MYO1D: variants seen among roughly 807,000 people sequenced by gnomAD.
MYO1D encodes the protein myosin ID.
MYO1D carries 83 observed loss-of-function variants against 122.0 expected under a neutral mutation model. That is an observed-to-expected ratio of 0.68 (90% CI 0.57 to 0.82). MYO1D has a LOEUF of 0.82. MYO1D is among the 40% of genes least tolerant of loss of function. The pLI is 0.00. For missense variants in MYO1D, 1,157 were observed against 1,269.5 expected, an observed-to-expected ratio of 0.91 and a Z score of 1.35; for synonymous variants, 464 against 446.9, an observed-to-expected ratio of 1.04 and a Z score of -0.48.
At chr17:32,535,207 G>T (rs115907581) in intron 21 of MYO1D, among the ~76,000 whole-genome samples, 2,419 of 152,260 alleles carry the variant, frequency 0.016, 35 homozygotes, top group Middle Eastern at 0.048. Flanking sequence ...CGTTAGAAGT[G>T]AATGGCATAC....
Position 32,653,921 on chromosome 17 carries a change from G to A in MYO1D, c.2517C>T (p.Gly839=), listed in dbSNP as rs955944090. 5.0e-6 allele frequency: 8 copies of A among 1,613,774 alleles called. No homozygotes were observed. The African/African-American group carries it at 9.3e-5, about 19-fold the overall frequency. Reference sequence around the variant, plus strand: ...ATTCATTAGCAACAGGGACAAAAGTGCCTGAGGTCTGAGGTGTATCTGGCT... The same window carrying A: ...ATTCATTAGCAACAGGGACAAAAGTACCTGAGGTCTGAGGTGTATCTGGCT... The part of the protein sequence containing the change: ...ASKPDTPQTS[G]TFVPVANELK... Residue 839 remains glycine (G), a synonymous_variant, in exon 19 of 22, where the codon GGC becomes GGT. Transcript: ENST00000318217.
intron 21 of MYO1D, among the ~76,000 whole-genome samples, chr17:32,519,699 T>C (rs1325763555): frequency 6.6e-6 from 1 of 151,870 alleles, no homozygotes; most frequent in Non-Finnish European, 1.5e-5. Context: ...TTTTTGTTTG[T>C]CTGTCTTTCC....
chr17:32,697,367 C>T (rs2089186337), intron 16 of MYO1D, among the ~76,000 whole-genome samples: 1 of 152,186 alleles, frequency 6.6e-6, no homozygotes, highest in Admixed American at 6.5e-5. Context: ...CAATGGCCAC[C>T]ATTCAATCAA....
At chr17:32,800,729 A>G (rs1758606606) in intron 1 of MYO1D, among the ~76,000 whole-genome samples, 1 of 152,070 alleles carries the variant, frequency 6.6e-6, no homozygotes, top group Non-Finnish European at 1.5e-5. Flanking sequence ...TTTTCCAGAA[A>G]CAGGGTCCCA....
chr17:32,756,457 A>T (rs755542023), intron 10 of MYO1D, among the ~76,000 whole-genome samples: 1 of 152,164 alleles, frequency 6.6e-6, no homozygotes, highest in Non-Finnish European at 1.5e-5. Context: ...CTGAGGGTAC[A>T]CAAAAATATC....
At chr17:32,679,803 G>A (rs4441326) in intron 16 of MYO1D, among the ~76,000 whole-genome samples, 18,972 of 148,736 alleles carry the variant, frequency 0.13, 2,855 homozygotes, top group African/African-American at 0.36. Context: ...GAAGAAAGTC[G>A]TTGGTAGCTT....
chr17:32,603,179 A>G (rs1275721524), intron 21 of MYO1D, among the ~76,000 whole-genome samples: 1 of 152,212 alleles, frequency 6.6e-6, no homozygotes, highest in Non-Finnish European at 1.5e-5. Context: ...GATAGAGGAC[A>G]TACGCCTAGA....
chr17:32,570,184 T>C (rs538287221), intron 21 of MYO1D, among the ~76,000 whole-genome samples: 4 of 152,216 alleles, frequency 2.6e-5, no homozygotes, highest in Admixed American at 1.3e-4. Context: ...CCCTCACCAA[T>C]TGCCTGTAAG....
Position 32,721,040 on chromosome 17 carries a change from G to A in MYO1D, c.1896C>T (p.Tyr632=), listed in dbSNP as rs768402639. Reference sequence around the variant, plus strand: ...ATTCTCACCTGTGAAGAAACTTCTCGTATGTCTGGCGGAAGGCAAATCCTG... The same window carrying A: ...ATTCTCACCTGTGAAGAAACTTCTCATATGTCTGGCGGAAGGCAAATCCTG... ...RRAGFAFRQT[Y]EKFLHRYKMI... The change falls in exon 15 of 22, where the codon TAC becomes TAT. Residue 632 remains tyrosine (Y), a synonymous_variant. Transcript: ENST00000318217. 47 of 1,613,912 alleles carry A rather than the reference G, an allele frequency of 2.9e-5. No homozygotes were observed. Among genetic ancestry groups the A allele is most frequent in the South Asian group, 1.6e-4 (15 of 91,050 alleles).
intron 1 of MYO1D, among the ~76,000 whole-genome samples, chr17:32,873,206 G>A (rs1598173198): frequency 1.3e-5 from 2 of 152,132 alleles, no homozygotes; most frequent in East Asian, 3.9e-4. Flanking sequence ...TTGTCATGAA[G>A]GAATGTACTC....
In MYO1D at chr17:32,605,935, A is replaced by C. The variant is rs538000426; in HGVS notation, c.2710-694T>G. ...ATCTCTACTGAAATACAAAAAAAAA[A>C]ACACACAAAAAAACATTAGCCGGGC... On this transcript the variant is annotated intron_variant, in intron 20 of 21. Coordinates refer to ENST00000318217, the MANE Select transcript of MYO1D (RefSeq NM_015194.3). Among the ~76,000 whole-genome samples, 23 of 151,786 alleles carry C rather than the reference A, an allele frequency of 1.5e-4. No individual in the cohort carries two copies. In the East Asian group the frequency reaches 2.7e-3, roughly 18 times the overall value.
At chr17:32,667,632 A>C (rs2088654444) in intron 16 of MYO1D, among the ~76,000 whole-genome samples, 1 of 152,210 alleles carries the variant, frequency 6.6e-6, no homozygotes. Flanking sequence ...CGTCCTGATG[A>C]ACTTAACTAT....
intron 1 of MYO1D, among the ~76,000 whole-genome samples, chr17:32,827,642 A>C (rs1036915946): frequency 1.3e-5 from 2 of 152,244 alleles, no homozygotes; most frequent in Non-Finnish European, 2.9e-5. Flanking sequence ...CTCTATTTTT[A>C]AAACCTCCAA....
At chr17:32,639,593 T>C (rs2088164225) in intron 19 of MYO1D, among the ~76,000 whole-genome samples, 1 of 152,022 alleles carries the variant, frequency 6.6e-6, no homozygotes, top group African/African-American at 2.4e-5. Flanking sequence ...TAGTGTGTAG[T>C]GGCTCAAGCA....
At chr17:32,643,370 T>C (rs907934911) in intron 19 of MYO1D, among the ~76,000 whole-genome samples, 6 of 152,212 alleles carry the variant, frequency 3.9e-5, no homozygotes, top group African/African-American at 4.8e-5. Context: ...TCAGGTATAT[T>C]GGTCTAAAAT....
At chr17:32,521,188 C>A (rs1007692671) in intron 21 of MYO1D, among the ~76,000 whole-genome samples, 1 of 152,154 alleles carries the variant, frequency 6.6e-6, no homozygotes, top group African/African-American at 2.4e-5. Flanking sequence ...TTCCTAAAGA[C>A]CCCTCCCTCA....
At chr17:32,502,996 C>T (rs1442107294) in intron 21 of MYO1D, among the ~76,000 whole-genome samples, 4 of 152,166 alleles carry the variant, frequency 2.6e-5, no homozygotes, top group African/African-American at 9.7e-5. Flanking sequence ...CGGGGACTTT[C>T]ATCTCGTTTC....
chr17:32,504,126 T>C (rs1005815515), intron 21 of MYO1D, among the ~76,000 whole-genome samples: 1 of 152,224 alleles, frequency 6.6e-6, no homozygotes, highest in Admixed American at 6.5e-5. Context: ...AACTGGGTCA[T>C]ATCTGGGTGT....
rs762851105 is a variant in MYO1D at position 32,659,263 on chromosome 17, G to C, written c.2197C>G (p.Arg733Gly). Residue 733 changes from arginine to glycine, a missense_variant, in exon 17 of 22, where the codon CGC becomes GGC. Transcript: ENST00000318217. ...TGGATGTACGACTTCACTTTGTAGC[G>C]CCGGTAGTACCTGATTATTGTCAGA... ...AALTIIRYYR[R>G]YKVKSYIHEV... 52 of 1,614,078 alleles carry C rather than the reference G, an allele frequency of 3.2e-5. No homozygotes were observed. Among genetic ancestry groups the C allele is most frequent in the Non-Finnish European group, 4.2e-5 (50 of 1,180,040 alleles).
Sources: gnomAD v4.1 joint callset for allele counts (sites outside exome capture counted in the v4.1 genomes callset) on GRCh38, gnomAD v4.1.1 for gene constraint, MANE v1.5 for transcripts, NCBI Gene and HGNC (gene_info 2026-07-23, HGNC 2026-07-21) for gene names.